The following NCKAP1 variants were observed in gnomAD, a reference collection of about 807,000 sequenced individuals.
NCKAP1 encodes NCK associated protein 1.
A neutral mutation model predicts 151.2 loss-of-function variants in NCKAP1; 21 were observed. The observed-to-expected ratio is 0.14, with a 90% CI of 0.10 to 0.20. The LOEUF (loss-of-function observed/expected upper bound fraction) is 0.20, where lower values mean the gene tolerates loss of function less well. Ranked by LOEUF, NCKAP1 falls within the 10% of genes least tolerant of loss-of-function variation. The probability of loss-of-function intolerance (pLI) is 1.00; values close to 1 mark genes in which losing one functional copy is unlikely to be tolerated. For missense variants in NCKAP1, 933 were observed against 1,352.1 expected (o/e 0.69, Z 4.86); for synonymous variants, 484 against 451.8 (o/e 1.07, Z -0.90).
At chr2:183,008,511 T>TC (rs1698525675) in intron 2 of NCKAP1, among the ~76,000 whole-genome samples, 1 of 144,728 alleles carries the variant, frequency 6.9e-6, no homozygotes, top group Non-Finnish European at 1.5e-5. Flanking sequence ...TCCTCCACCC[T>TC]CACTCAGTAT....
At chr2:182,976,656 A>C (rs1057201587) in intron 15 of NCKAP1, among the ~76,000 whole-genome samples, 1 of 152,124 alleles carries the variant, frequency 6.6e-6, no homozygotes, top group African/African-American at 2.4e-5. Flanking sequence ...AGAGATTGGG[A>C]TTTAAATTTT....
At chr2:183,022,914 G>A (rs1698821678) in intron 2 of NCKAP1, 1 of 152,130 alleles carries the variant, frequency 6.6e-6, no homozygotes, top group Non-Finnish European at 1.5e-5. Flanking sequence ...ACAAGGAGCT[G>A]GATCTGTAAC....
At chr2:183,030,036 C>T (rs1460093895) in intron 1 of NCKAP1, among the ~76,000 whole-genome samples, 1 of 152,032 alleles carries the variant, frequency 6.6e-6, no homozygotes, top group African/African-American at 2.4e-5. Flanking sequence ...CTGACAGGAC[C>T]TACAGAGAAA....
At chr2:183,007,580 AATT>A (rs1239292526) in intron 2 of NCKAP1, among the ~76,000 whole-genome samples, 4 of 152,170 alleles carry the variant, frequency 2.6e-5, no homozygotes, top group African/African-American at 7.2e-5. Flanking sequence ...CACTCATTTC[AATT>A]ATTACCTTCT....
chr2:183,005,598 C>G (rs1053949282), intron 2 of NCKAP1, among the ~76,000 whole-genome samples: 2 of 152,022 alleles, frequency 1.3e-5, no homozygotes, highest in Admixed American at 6.6e-5. Flanking sequence ...ACTTTATTTC[C>G]CCCAAAGCCA....
At chr2:182,931,233 G>GT (rs906237963) in intron 26 of NCKAP1, among the ~76,000 whole-genome samples, 6 of 151,892 alleles carry the variant, frequency 4.0e-5, no homozygotes, top group Admixed American at 3.9e-4. Flanking sequence ...ACTTATAATA[G>GT]TTTTTTTAAG....
At chr2:182,926,989 C>A (rs572060136) in intron 29 of NCKAP1, 84 bp from the exon 30 acceptor site, 2 of 881,702 alleles carry the variant, frequency 2.3e-6, no homozygotes, top group South Asian at 3.1e-5. Flanking sequence ...CAACTTCCAA[C>A]ACATTTCAAT....
In NCKAP1 at chr2:182,956,409, TAAC is replaced by T. The variant is rs1575028715; in HGVS notation, c.2153+50_2153+52del. On this transcript the variant is annotated intron_variant, in intron 20 of 30. Transcript: ENST00000361354. ...CCTTATAAAACACTGTATAATTAAA[TAAC>T]AAACTCATTACTGAGTCAACAAACA... 6 of 1,560,818 alleles carry T rather than the reference TAAC, an allele frequency of 3.8e-6. No individual in the cohort carries two copies. In the East Asian group the frequency reaches 1.1e-4, roughly 29 times the overall value.
chr2:182,951,687 T>A (rs2105821302), intron 23 of NCKAP1, among the ~76,000 whole-genome samples: 1 of 146,870 alleles, frequency 6.8e-6, no homozygotes, highest in African/African-American at 2.5e-5. Flanking sequence ...AAGACTCAAG[T>A]AACCACCAAA....
intron 1 of NCKAP1, among the ~76,000 whole-genome samples, chr2:183,025,399 T>C (rs1430220247): frequency 6.6e-6 from 1 of 152,212 alleles, no homozygotes. Flanking sequence ...GGATGACTTT[T>C]GTATTTCAGC....
At chr2:182,981,496 C>T (rs1215735207) in intron 12 of NCKAP1, 120 bp from the exon 13 acceptor site, 4 of 620,002 alleles carry the variant, frequency 6.5e-6, no homozygotes, top group Non-Finnish European at 2.6e-6. Context: ...TTGTTTAATA[C>T]TTAATGTCAA....
chr2:182,989,996 T>A (rs1040518680), intron 8 of NCKAP1, among the ~76,000 whole-genome samples: 4 of 149,706 alleles, frequency 2.7e-5, no homozygotes, highest in East Asian at 1.9e-4. Flanking sequence ...TCTCAAAAAA[T>A]ATATATATAT....
chr2:182,985,720 T>C (rs951650741), intron 10 of NCKAP1, among the ~76,000 whole-genome samples: 5 of 151,814 alleles, frequency 3.3e-5, no homozygotes, highest in African/African-American at 9.7e-5. Context: ...GGAGAATTGC[T>C]TGAACCCGGG....
rs755878428 is a variant in NCKAP1, at chr2:182,976,964, A to G, written c.1424-13T>C. The G allele has an allele frequency of 3.3e-5, 18 of 540,482 alleles. No individual in the cohort carries two copies. In the South Asian group the frequency reaches 4.1e-4, roughly 12 times the overall value. 33.5% of individuals were successfully genotyped at this position (540,482 alleles called of 1,614,324 possible). On this transcript the variant is annotated splice_polypyrimidine_tract_variant and intron_variant, in intron 14 of 30. Transcript: ENST00000361354. Reference sequence around the variant, plus strand: ...TCCCCATCTTCAACTGTAGTAATAGAAAAAAAAAAAAGATTACAAAGCAAA... The same window carrying G: ...TCCCCATCTTCAACTGTAGTAATAGGAAAAAAAAAAAGATTACAAAGCAAA...
chr2:182,986,496 A>C (rs990152978), intron 9 of NCKAP1, among the ~76,000 whole-genome samples: 1 of 152,198 alleles, frequency 6.6e-6, no homozygotes, highest in Admixed American at 6.5e-5. Flanking sequence ...AAATGTTATT[A>C]CTTCCTTAAG....
intron 1 of NCKAP1, among the ~76,000 whole-genome samples, chr2:183,035,274 T>A (rs1699080538): frequency 2.7e-5 from 4 of 150,712 alleles, no homozygotes; most frequent in Admixed American, 2.6e-4. Flanking sequence ...AATTTTTGAC[T>A]GATGAAATTA....
In NCKAP1 at chr2:182,984,122, A is replaced by G. The variant is rs187363493; in HGVS notation, c.1005-740T>C. 2.4e-4 allele frequency among the ~76,000 whole-genome samples: 37 copies of G among 152,178 alleles called. No individual in the cohort carries two copies. In the East Asian group the frequency reaches 7.0e-3, roughly 29 times the overall value. On this transcript the variant is annotated intron_variant, in intron 10 of 30. Transcript: ENST00000361354. ...AGAAATTAATAAATAGAACTTAAGT[A>G]TCTGGTTATCTATATTCTTATTAAG...
At chr2:182,957,248 T>C (rs765734815) in intron 19 of NCKAP1, 10 of 446,332 alleles carry the variant, frequency 2.2e-5, no homozygotes, top group African/African-American at 6.1e-5. Context: ...TATCAACTAT[T>C]ACATATATTT....
At position 182,922,632 on chromosome 2, in the gene NCKAP1, G is replaced by A. The variant is rs1696570254; in HGVS notation, c.*3070C>T. On this transcript the variant is annotated 3_prime_UTR_variant, in exon 31 of 31. Transcript: ENST00000361354. The stretch of plus-strand genomic sequence containing the variant: ...CAGCTCAAATGTTTTCTCTTACACA[G>A]ATGACACTTTCTTCTAACACTTTCT... 2 of 152,220 alleles carry A rather than the reference G, an allele frequency of 1.3e-5. No homozygotes were observed. 9.4% of individuals were successfully genotyped at this position (152,220 alleles called of 1,614,324 possible). A position where few individuals can be genotyped will look rare whatever the true frequency, so the allele number is the denominator to read the frequency against.
Sources: allele counts gnomAD v4.1 joint callset (sites outside exome capture counted in the v4.1 genomes callset), GRCh38; gene constraint gnomAD v4.1.1; transcripts MANE v1.5; gene names NCBI Gene and HGNC (gene_info 2026-07-23, HGNC 2026-07-21).